Variants in TMEM87A observed in about 807,000 individuals in gnomAD.
TMEM87A encodes transmembrane protein 87A, also known as Golgi-pH regulating cation channel.
In TMEM87A, 50 loss-of-function variants were observed where a neutral mutation model predicts 90.0. The ratio of observed to expected loss-of-function variants is 0.56; its 90% CI spans 0.44 to 0.70. TMEM87A has a LOEUF of 0.70. Ranked by LOEUF, TMEM87A falls within the 30% of genes least tolerant of loss-of-function variation. TMEM87A has a pLI of 0.00. For synonymous variants in TMEM87A, 226 were observed against 226.7 expected, an observed-to-expected ratio of 1.00 and a Z score of 0.03; for missense variants, 577 against 660.5, an observed-to-expected ratio of 0.87 and a Z score of 1.39.
intron 8 of TMEM87A, among the ~76,000 whole-genome samples, chr15:42,239,436 G>GT (rs2050832666): frequency 6.6e-6 from 1 of 152,134 alleles, no homozygotes; most frequent in Admixed American, 6.5e-5. Flanking sequence ...GATCTTTGAG[G>GT]TATTTCCACA....
At chr15:42,222,054 C>T (rs1025989454) in intron 15 of TMEM87A, among the ~76,000 whole-genome samples, 2 of 152,104 alleles carry the variant, frequency 1.3e-5, no homozygotes, top group African/African-American at 4.8e-5. Context: ...CACGCCTGGC[C>T]AAATGTTTTT....
At chr15:42,264,744 C>T (rs1194915771) in intron 3 of TMEM87A, among the ~76,000 whole-genome samples, 7 of 140,076 alleles carry the variant, frequency 5.0e-5, no homozygotes, top group African/African-American at 7.8e-5. Context: ...ACATACGCAA[C>T]TTTGTTATAT....
intron 6 of TMEM87A, among the ~76,000 whole-genome samples, chr15:42,244,617 C>T (rs2140953043): frequency 6.6e-6 from 1 of 151,082 alleles, no homozygotes; most frequent in South Asian, 2.1e-4. Flanking sequence ...CAACATGCTT[C>T]CCAAGAATAT....
chr15:42,217,859 T>G, intron 18 of TMEM87A, 26 bp from the exon 19 acceptor site: 1 of 1,608,936 alleles, frequency 6.2e-7, no homozygotes. Flanking sequence ...AATACTAAAT[T>G]GAACAATGTA....
At chr15:42,263,992 AAAG>A in intron 4 of TMEM87A, 95 bp downstream of exon 4, 2 of 870,350 alleles carry the variant, frequency 2.3e-6, no homozygotes, top group Middle Eastern at 3.5e-4. Flanking sequence ...ACTTCTGCCA[AAAG>A]AAATACTTGA....
chr15:42,237,345 C>T (rs1304926051), intron 9 of TMEM87A, 87 bp downstream of exon 9: 2 of 1,308,908 alleles, frequency 1.5e-6, no homozygotes, highest in Non-Finnish European at 2.1e-6. Flanking sequence ...AAAGTTAAGC[C>T]TATGTAGTGA....
intron 19 of TMEM87A, among the ~76,000 whole-genome samples, chr15:42,216,747 A>G (rs1156643301): frequency 2.6e-5 from 4 of 152,218 alleles, no homozygotes; most frequent in Non-Finnish European, 4.4e-5. Flanking sequence ...GATACTGTAC[A>G]TGCTGTGTCA....
rs1277636309 is a variant in TMEM87A, at chr15:42,211,137, TC to T, written c.*570del. On this transcript the variant is annotated 3_prime_UTR_variant, in exon 20 of 20. Transcript: ENST00000389834. ...ATCTGAATCATACTGTAACAGTTTC[TC>T]TTTTTTTTTTTTTCTTTTGATCATT... 4 of 36,044 alleles carry T rather than the reference TC, an allele frequency of 1.1e-4. No homozygotes were observed. Among genetic ancestry groups the T allele is most frequent in the Non-Finnish European group, 4.0e-4 (3 of 7,504 alleles). 2.2% of individuals were successfully genotyped at this position (36,044 alleles called of 1,614,324 possible).
intron 2 of TMEM87A, among the ~76,000 whole-genome samples, chr15:42,268,995 AAAGAT>A (rs1276073799): frequency 2.0e-5 from 3 of 152,240 alleles, no homozygotes; most frequent in Non-Finnish European, 4.4e-5. Flanking sequence ...TAGCAAAAGC[AAAGAT>A]AAGAGTATCA....
At chr15:42,255,427 C>T (rs1434908774) in intron 6 of TMEM87A, among the ~76,000 whole-genome samples, 5 of 152,036 alleles carry the variant, frequency 3.3e-5, no homozygotes, top group Admixed American at 2.0e-4. Context: ...CCACCGCACC[C>T]GGCCAACTTT....
intron 17 of TMEM87A, 142 bp from the exon 18 acceptor site, chr15:42,218,520 AT>A: frequency 1.4e-6 from 1 of 713,008 alleles, no homozygotes; most frequent in Non-Finnish European, 2.2e-6. Context: ...AAAGTCAAAT[AT>A]TTTAATTTTT....
intron 15 of TMEM87A, among the ~76,000 whole-genome samples, chr15:42,225,417 T>C (rs924083648): frequency 3.9e-5 from 6 of 152,206 alleles, no homozygotes; most frequent in African/African-American, 1.4e-4. Context: ...CAAAGTTGGT[T>C]ATGTAAGTTT....
In TMEM87A at chr15:42,244,089, C is replaced by G. The variant is rs763913620; in HGVS notation, c.583G>C (p.Glu195Gln). The G allele has an allele frequency of 3.2e-6, 5 of 1,571,354 alleles. No homozygotes were observed. Among genetic ancestry groups the G allele is most frequent in the Admixed American group, 2.0e-5 (1 of 49,082 alleles). Reference sequence around the variant, plus strand: ...CTCAGTGAATTTTCTTTTGATGATTCCTTTGAGGATGAAATGCCAATATGT... The same window carrying G: ...CTCAGTGAATTTTCTTTTGATGATTGCTTTGAGGATGAAATGCCAATATGT... Reference protein sequence around the residue: ...IVHIGISSSKESSKENSLSNL... With the variant: ...IVHIGISSSKQSSKENSLSNL... Residue 195 changes from glutamate to glutamine, a missense_variant, in exon 7 of 20, where the codon GAA becomes CAA. Transcript: ENST00000389834.
At chr15:42,244,376 T>C (rs2050931980) in intron 6 of TMEM87A, among the ~76,000 whole-genome samples, 1 of 152,132 alleles carries the variant, frequency 6.6e-6, no homozygotes, top group Non-Finnish European at 1.5e-5. Flanking sequence ...CAAGATACCA[T>C]GTCTTGTACA....
At chr15:42,257,550 T>C (rs1345092623) in intron 6 of TMEM87A, among the ~76,000 whole-genome samples, 1 of 152,166 alleles carries the variant, frequency 6.6e-6, no homozygotes, top group Non-Finnish European at 1.5e-5. Flanking sequence ...CATAGCAACA[T>C]AAACAAAGAC....
Position 42,261,242 on chromosome 15 carries a change from G to A in TMEM87A, c.413C>T (p.Ser138Phe), listed in dbSNP as rs773068113. ...CSELFKTQTF[S>F]GDFMHRLPLL... Reference sequence around the variant, plus strand: ...AGGCAGTCGATGCATAAAATCTCCAGAAAAGGTCTATAAAAGAAACACAAA... The same window carrying A: ...AGGCAGTCGATGCATAAAATCTCCAAAAAAGGTCTATAAAAGAAACACAAA... The change falls in exon 5 of 20, where the codon TCT becomes TTT. Residue 138 changes from serine to phenylalanine, a missense_variant. Coordinates refer to ENST00000389834, the MANE Select transcript of TMEM87A (RefSeq NM_015497.5). The A allele has an allele frequency of 1.7e-5, 28 of 1,613,062 alleles. No individual in the cohort carries two copies. The highest frequency in any genetic ancestry group is 5.0e-5 in the Admixed American group (3 of 59,850).
intron 2 of TMEM87A, among the ~76,000 whole-genome samples, chr15:42,268,885 T>C (rs2051457707): frequency 6.6e-6 from 1 of 152,078 alleles, no homozygotes; most frequent in African/African-American, 2.4e-5. Flanking sequence ...ACATAATAGT[T>C]CCACTGAGAG....
At chr15:42,264,027 C>G (rs2051348302) in intron 4 of TMEM87A, 63 bp downstream of exon 4, 1 of 1,372,234 alleles carries the variant, frequency 7.3e-7, no homozygotes, top group Admixed American at 1.9e-5. Context: ...TGGATACAGC[C>G]AAAAATATAT....
chr15:42,222,545 G>A (rs923183319), intron 15 of TMEM87A, among the ~76,000 whole-genome samples: 14 of 151,756 alleles, frequency 9.2e-5, no homozygotes, highest in African/African-American at 3.4e-4. Flanking sequence ...CTTGGTGGAT[G>A]AACATCTTGA....
Sources: allele counts gnomAD v4.1 joint callset (sites outside exome capture counted in the v4.1 genomes callset), GRCh38; gene constraint gnomAD v4.1.1; transcripts MANE v1.5; gene names NCBI Gene and HGNC (gene_info 2026-07-23, HGNC 2026-07-21).